LGR5: variants seen among roughly 807,000 people sequenced by gnomAD.
LGR5 encodes the protein leucine-rich repeat-containing G protein-coupled receptor 5.
LGR5 carries 54 observed loss-of-function variants against 76.7 expected under a neutral mutation model. The observed-to-expected ratio is 0.70, with a 90% CI of 0.57 to 0.88. The LOEUF (loss-of-function observed/expected upper bound fraction) is 0.88. LGR5 is among the 40% of genes least tolerant of loss of function. The pLI, the probability that LGR5 is intolerant of heterozygous loss-of-function variation, is 0.00. For missense variants in LGR5, 1,078 were observed against 1,073.3 expected, an observed-to-expected ratio of 1.00 and a Z score of -0.06; for synonymous variants, 406 against 421.9, an observed-to-expected ratio of 0.96 and a Z score of 0.46.
In LGR5 at chr12:71,483,937, A is replaced by G. The variant is rs574598529; in HGVS notation, c.213-20677A>G. Among the ~76,000 whole-genome samples the G allele has an allele frequency of 5.3e-5, 8 of 152,288 alleles. No homozygotes were observed. In the South Asian group the frequency reaches 1.7e-3, roughly 32 times the overall value. ...AAACCAGAGGTTTCTAGCTTGATCAATAGAGAGTATGGAGATGTATTAATC... is the reference window on the plus strand; with the variant it reads ...AAACCAGAGGTTTCTAGCTTGATCAGTAGAGAGTATGGAGATGTATTAATC... On this transcript the variant is annotated intron_variant, in intron 1 of 17. Coordinates refer to ENST00000266674, the MANE Select transcript of LGR5 (RefSeq NM_003667.4).
intron 4 of LGR5, among the ~76,000 whole-genome samples, chr12:71,545,168 G>A (rs550690595): frequency 8.5e-5 from 13 of 152,092 alleles, no homozygotes; most frequent in African/African-American, 3.1e-4. Flanking sequence ...TCATCCAGCC[G>A]GGCACAGTGG....
chr12:71,478,539 C>A (rs996550818), intron 1 of LGR5, among the ~76,000 whole-genome samples: 1 of 152,104 alleles, frequency 6.6e-6, no homozygotes, highest in Non-Finnish European at 1.5e-5. Context: ...TGAATAATGT[C>A]TTTTCTGTGT....
chr12:71,579,659 T>C (rs1356028205), intron 15 of LGR5, among the ~76,000 whole-genome samples: 5 of 152,178 alleles, frequency 3.3e-5, no homozygotes, highest in Non-Finnish European at 7.3e-5. Flanking sequence ...CCAATTACAC[T>C]CTTTATTTTA....
At chr12:71,548,912 T>C (rs1023894371) in intron 4 of LGR5, among the ~76,000 whole-genome samples, 3 of 152,150 alleles carry the variant, frequency 2.0e-5, no homozygotes, top group African/African-American at 7.2e-5. Context: ...CTATATAGTG[T>C]AGTTATTTTT....
In LGR5 at chr12:71,440,128, G is replaced by A. The variant is rs1382328695; in HGVS notation, c.48G>A (p.Leu16=). ...LGVLLSLPVL[L]QLATGGSSPR... The stretch of plus-strand genomic sequence containing the variant: ...TGCTCCTGTCCTTGCCTGTGCTGCT[G>A]CAGCTGGCGACCGGGGGCAGCTCTC... Residue 16 remains leucine, a synonymous_variant, in exon 1 of 18, where the codon CTG becomes CTA. Transcript: ENST00000266674. This position sits in a 1 kb window ranked among gnomAD's most constrained non-coding sequence, Gnocchi z 5.3. 5.0e-6 allele frequency: 8 copies of A among 1,608,640 alleles called. No individual in the cohort carries two copies. The highest frequency in any genetic ancestry group is 2.2e-5 in the East Asian group (1 of 44,856).
chr12:71,447,032 T>G (rs1031812091), intron 1 of LGR5, among the ~76,000 whole-genome samples: 1 of 152,214 alleles, frequency 6.6e-6, no homozygotes, highest in Non-Finnish European at 1.5e-5. Flanking sequence ...AGCTGCATTC[T>G]TTGGAACTAT....
intron 5 of LGR5, among the ~76,000 whole-genome samples, chr12:71,553,906 C>T (rs1399444822): frequency 6.6e-6 from 1 of 152,190 alleles, no homozygotes; most frequent in African/African-American, 2.4e-5. Flanking sequence ...GCCTGGTCAA[C>T]ATGGTGAAAC....
intron 2 of LGR5, among the ~76,000 whole-genome samples, chr12:71,512,601 C>A (rs1380810154): frequency 2.0e-5 from 3 of 152,148 alleles, no homozygotes; most frequent in Admixed American, 1.3e-4. Context: ...TATATGAAAG[C>A]ACCCCAACAG....
At chr12:71,580,813 A>AT (rs975009928) in intron 16 of LGR5, among the ~76,000 whole-genome samples, 1 of 152,148 alleles carries the variant, frequency 6.6e-6, no homozygotes, top group Non-Finnish European at 1.5e-5. Context: ...TCAAAAAAAA[A>AT]GGAAAAAAAA....
Position 71,556,700 on chromosome 12 carries a change from C to A in LGR5, c.716+10C>A. 1 of 1,592,226 alleles carries A rather than the reference C, an allele frequency of 6.3e-7. No individual in the cohort carries two copies. On this transcript the variant is annotated intron_variant, in intron 6 of 17. Transcript: ENST00000266674. Reference sequence around the variant, plus strand: ...ACAGCCTAGAGACTTTGTGAGTTGACCTTTTATTTGTTTCCCTTTTTTCAG... The same window carrying A: ...ACAGCCTAGAGACTTTGTGAGTTGAACTTTTATTTGTTTCCCTTTTTTCAG...
At chr12:71,468,049 T>A (rs1041437951) in intron 1 of LGR5, among the ~76,000 whole-genome samples, 2 of 152,240 alleles carry the variant, frequency 1.3e-5, no homozygotes, top group African/African-American at 4.8e-5. Flanking sequence ...TGAATATTTT[T>A]AATGCTTTAG....
At chr12:71,508,002 C>T (rs146718583) in intron 2 of LGR5, among the ~76,000 whole-genome samples, 2,648 of 150,364 alleles carry the variant, frequency 0.018, 96 homozygotes, top group African/African-American at 0.062. Context: ...GGGCAGATCA[C>T]GAGTTCAGGA....
chr12:71,514,448 G>A (rs1875332204), intron 2 of LGR5, among the ~76,000 whole-genome samples: 1 of 151,982 alleles, frequency 6.6e-6, no homozygotes, highest in South Asian at 2.1e-4. Context: ...GGCGCCTGTA[G>A]TCCCAGCTAC....
chr12:71,479,605 T>G (rs1400627994), intron 1 of LGR5, among the ~76,000 whole-genome samples: 1 of 152,008 alleles, frequency 6.6e-6, no homozygotes, highest in Non-Finnish European at 1.5e-5. Flanking sequence ...GGACATATTC[T>G]TTGAGAGGAC....
chr12:71,475,652 C>G (rs148394896), intron 1 of LGR5, among the ~76,000 whole-genome samples: 41 of 152,296 alleles, frequency 2.7e-4, no homozygotes, highest in African/African-American at 9.1e-4. Context: ...CTCATCCCCC[C>G]CTTATCATAG....
intron 1 of LGR5, among the ~76,000 whole-genome samples, chr12:71,446,902 A>T (rs1442914082): frequency 2.0e-5 from 3 of 152,248 alleles, no homozygotes; most frequent in Non-Finnish European, 2.9e-5. Context: ...TCTTGTCTTC[A>T]AATCAGAGAT....
In LGR5 at chr12:71,572,926, G is replaced by A. The variant is rs754322655; in HGVS notation, c.1208+5G>A. 2 of 1,609,458 alleles carry A rather than the reference G, an allele frequency of 1.2e-6. No homozygotes were observed. On this transcript the variant is annotated splice_donor_5th_base_variant and intron_variant, in intron 13 of 17. Transcript: ENST00000266674. ...GTTGCTTAGCCTCCGATCGCTGTGA[G>A]TATCACCTCCCAGTGCGTTCCCCAG...
chr12:71,568,688 G>A (rs1047984803), intron 11 of LGR5, among the ~76,000 whole-genome samples: 90 of 152,316 alleles, frequency 5.9e-4, no homozygotes, highest in African/African-American at 2.1e-3. Flanking sequence ...TATCAACCAA[G>A]TAGAATTAGC....
chr12:71,472,770 C>T (rs1873155298), intron 1 of LGR5, among the ~76,000 whole-genome samples: 1 of 152,224 alleles, frequency 6.6e-6, no homozygotes, highest in African/African-American at 2.4e-5. Context: ...GGCATTGTAA[C>T]ACTATTAAGA....
Sources: allele counts gnomAD v4.1 joint callset (sites outside exome capture counted in the v4.1 genomes callset), GRCh38; gene constraint gnomAD v4.1.1; non-coding constraint Gnocchi (gnomAD v3.1); transcripts MANE v1.5; gene names NCBI Gene and HGNC (gene_info 2026-07-23, HGNC 2026-07-21).